The following TTC7B variants were observed in gnomAD, a reference collection of about 807,000 sequenced individuals.
TTC7B encodes tetratricopeptide repeat domain 7B.
Under a neutral mutation model 106.8 loss-of-function variants are expected in TTC7B, and 28 were observed. The ratio of observed to expected loss-of-function variants is 0.26; its 90% CI spans 0.19 to 0.36. The LOEUF (loss-of-function observed/expected upper bound fraction) is 0.36, where lower values mean the gene tolerates loss of function less well. TTC7B is among the 10% of genes least tolerant of loss of function. TTC7B has a pLI of 1.00. For synonymous variants in TTC7B, 405 were observed against 430.6 expected, an observed-to-expected ratio of 0.94 and a Z score of 0.74; for missense variants, 862 against 1,076.4, an observed-to-expected ratio of 0.80 and a Z score of 2.79.
At chr14:90,806,628 C>T (rs1454535340) in intron 1 of TTC7B, among the ~76,000 whole-genome samples, 1 of 152,174 alleles carries the variant, frequency 6.6e-6, no homozygotes, top group Non-Finnish European at 1.5e-5. Context: ...AGGCTTAGGC[C>T]AGGCACAGTG....
At chr14:90,669,315 G>A (rs1442821001) in intron 9 of TTC7B, among the ~76,000 whole-genome samples, 5 of 152,170 alleles carry the variant, frequency 3.3e-5, no homozygotes, top group Admixed American at 2.6e-4. Context: ...TGGATTCTTA[G>A]TTATGACACC....
intron 1 of TTC7B, among the ~76,000 whole-genome samples, chr14:90,815,874 A>G (rs998994912): frequency 1.5e-4 from 22 of 151,512 alleles, no homozygotes; most frequent in Non-Finnish European, 2.2e-4. Flanking sequence ...CTGTGGTCCC[A>G]GTGGAGCAGC....
intron 4 of TTC7B, among the ~76,000 whole-genome samples, chr14:90,744,301 T>TTTTC (rs530820356): frequency 2.0e-3 from 297 of 152,140 alleles, no homozygotes; most frequent in Non-Finnish European, 3.2e-3. Context: ...AACCATCTAT[T>TTTTC]TTTCTTTCTT....
rs952591549 is a variant in TTC7B, at chr14:90,624,812, A to T, written c.1752-6767T>A. 6.6e-6 allele frequency among the ~76,000 whole-genome samples: 1 copy of T among 152,252 alleles called. No homozygotes were observed. Among genetic ancestry groups the T allele is most frequent in the African/African-American group, 2.4e-5 (1 of 41,470 alleles). On this transcript the variant is annotated intron_variant, in intron 15 of 19. Coordinates refer to ENST00000328459, the MANE Select transcript of TTC7B (RefSeq NM_001010854.2). The surrounding 1 kb of genome is among the most constrained non-coding windows in gnomAD (Gnocchi z 4.0). The stretch of plus-strand genomic sequence containing the variant: ...TCTTAGTAACTGCTTTAGAGGTAAC[A>T]TCACGGGAACCTTGAACATTTCGTA...
At chr14:90,655,209 A>G in intron 11 of TTC7B, 99 bp from the exon 12 acceptor site, 2 of 841,608 alleles carry the variant, frequency 2.4e-6, no homozygotes. Context: ...CTGATGAGTC[A>G]CTTTGAAAAT....
rs1885988067 is a variant in TTC7B, at chr14:90,657,264, C to A, written c.1251G>T (p.Val417=). 6.2e-7 allele frequency: 1 copy of A among 1,613,814 alleles called. No homozygotes were observed. The highest frequency in any genetic ancestry group is 1.1e-5 in the South Asian group (1 of 91,092). Residue 417 remains valine (V), a synonymous_variant, in exon 11 of 20, where the codon GTG becomes GTT. Transcript: ENST00000328459. The surrounding 1 kb of genome is among the most constrained non-coding windows in gnomAD (Gnocchi z 4.2). The part of the protein sequence containing the change: ...LMAAGKSARA[V]KVLKECIRLK... Reference sequence around the variant, plus strand: ...GGCGGATACACTCTTTCAGCACCTTCACGGCACGGGCAGACTTGGCAAGAG... The same window carrying A: ...GGCGGATACACTCTTTCAGCACCTTAACGGCACGGGCAGACTTGGCAAGAG...
intron 7 of TTC7B, among the ~76,000 whole-genome samples, chr14:90,685,691 A>C (rs1887227285): frequency 6.6e-6 from 1 of 152,220 alleles, no homozygotes; most frequent in Admixed American, 6.5e-5. Context: ...ATACAAAAAA[A>C]TTATAAAGGA....
chr14:90,585,742 A>G lies in TTC7B; in HGVS notation c.2108-7434T>C, dbSNP rs141298630. On this transcript the variant is annotated intron_variant, in intron 18 of 19. Coordinates refer to ENST00000328459, the MANE Select transcript of TTC7B (RefSeq NM_001010854.2). Reference sequence around the variant, plus strand: ...GCCCCCTTCAAGCCCCAGGCTCCCAATCACATCCCTCATTGCTGCTCCAGA... The same window carrying G: ...GCCCCCTTCAAGCCCCAGGCTCCCAGTCACATCCCTCATTGCTGCTCCAGA... 2.6e-3 allele frequency: 390 copies of G among 152,566 alleles called. 2 individuals are homozygous for G. The highest frequency in any genetic ancestry group is 0.014 in the Admixed American group (215 of 15,304). The allele number at this position is 152,566 out of a possible 1,614,324, so 9.5% of individuals were successfully genotyped here. A position where few individuals can be genotyped will look rare whatever the true frequency, so the allele number is the denominator to read the frequency against.
intron 15 of TTC7B, among the ~76,000 whole-genome samples, chr14:90,640,517 G>A (rs905956514): frequency 6.6e-6 from 1 of 152,056 alleles, no homozygotes; most frequent in African/African-American, 2.4e-5. Flanking sequence ...GAAATTCACA[G>A]GTAATATTAA....
intron 6 of TTC7B, 59 bp downstream of exon 6, chr14:90,695,441 G>A: frequency 1.0e-6 from 1 of 963,252 alleles, no homozygotes; most frequent in Non-Finnish European, 1.5e-6. Flanking sequence ...AAATATGAAT[G>A]TAAATACCTA....
chr14:90,776,954 G>A (rs1891049303), intron 3 of TTC7B, among the ~76,000 whole-genome samples: 1 of 152,230 alleles, frequency 6.6e-6, no homozygotes. Context: ...ACTGAATGAA[G>A]GCTGGGCATG....
chr14:90,654,454 C>T (rs1180355713), intron 12 of TTC7B, among the ~76,000 whole-genome samples: 1 of 152,188 alleles, frequency 6.6e-6, no homozygotes, highest in East Asian at 1.9e-4. Context: ...TCCATCAGAA[C>T]TCTAAGCACA....
intron 4 of TTC7B, among the ~76,000 whole-genome samples, chr14:90,740,493 AC>A (rs1207422967): frequency 9.8e-6 from 1 of 102,194 alleles, no homozygotes; most frequent in African/African-American, 3.3e-5. Flanking sequence ...AAATTCTTTG[AC>A]TTTTTTTTTT....
chr14:90,730,334 A>T, intron 4 of TTC7B, 138 bp from the exon 5 acceptor site: 1 of 996,372 alleles, frequency 1.0e-6, no homozygotes, highest in Non-Finnish European at 1.4e-6. Context: ...ACAGGTGTAG[A>T]AGTGCAAGCA....
intron 17 of TTC7B, among the ~76,000 whole-genome samples, chr14:90,610,149 G>C (rs538665775): frequency 6.6e-6 from 1 of 152,182 alleles, no homozygotes; most frequent in East Asian, 1.9e-4. Flanking sequence ...CGGGCATTTC[G>C]GGTAAGGGAC....
intron 1 of TTC7B, among the ~76,000 whole-genome samples, chr14:90,791,668 C>T (rs923544428): frequency 7.2e-5 from 11 of 152,004 alleles, no homozygotes; most frequent in South Asian, 2.1e-4. Flanking sequence ...TAGGCTTGCC[C>T]GCCAGTCCCT....
At chr14:90,621,482 G>A (rs576557549) in intron 15 of TTC7B, among the ~76,000 whole-genome samples, 9 of 151,872 alleles carry the variant, frequency 5.9e-5, no homozygotes, top group Admixed American at 1.3e-4. Context: ...TGCGGGTATG[G>A]CTGGAATTAT....
At position 90,608,227 on chromosome 14, in the gene TTC7B, G is replaced by T. The variant is rs778028326; in HGVS notation, c.1966+2515C>A. ...CCATTTTTAGGCAAGCCTTCCCAAC[G>T]TGTAAGTTTCTTTGATTGACACTGT... On this transcript the variant is annotated intron_variant, in intron 17 of 19. Coordinates refer to ENST00000328459, the MANE Select transcript of TTC7B (RefSeq NM_001010854.2). The surrounding 1 kb of genome is among the most constrained non-coding windows in gnomAD (Gnocchi z 5.1). Among the ~76,000 whole-genome samples, 1 of 152,140 alleles carries T rather than the reference G, an allele frequency of 6.6e-6. No homozygotes were observed. The highest frequency in any genetic ancestry group is 6.6e-5 in the Admixed American group (1 of 15,264).
chr14:90,762,986 C>T (rs773962981), intron 3 of TTC7B, among the ~76,000 whole-genome samples: 46 of 152,216 alleles, frequency 3.0e-4, no homozygotes, highest in Non-Finnish European at 6.5e-4. Context: ...AGAACTACCA[C>T]CAATTCTTCA....
Sources: allele counts gnomAD v4.1 joint callset (sites outside exome capture counted in the v4.1 genomes callset), GRCh38; gene constraint gnomAD v4.1.1; non-coding constraint Gnocchi (gnomAD v3.1); transcripts MANE v1.5; gene names NCBI Gene and HGNC (gene_info 2026-07-23, HGNC 2026-07-21).